Variants in RGS6 observed in about 807,000 individuals in gnomAD.
RGS6 encodes the protein regulator of G protein signaling 6.
Under a neutral mutation model 78.5 loss-of-function variants are expected in RGS6, and 30 were observed. That is an observed-to-expected ratio of 0.38 (90% CI 0.29 to 0.52). The LOEUF (loss-of-function observed/expected upper bound fraction) is 0.52. Among genes scored for constraint, RGS6 ranks in the 20% least tolerant of loss-of-function variants. The probability of loss-of-function intolerance (pLI) is 0.85; values close to 1 mark genes in which losing one functional copy is unlikely to be tolerated. For missense variants in RGS6, 495 were observed against 609.7 expected, an observed-to-expected ratio of 0.81 and a Z score of 1.98; for synonymous variants, 206 against 206.0, an observed-to-expected ratio of 1.00 and a Z score of 0.00.
chr14:72,379,627 A>G (rs191149426), intron 3 of RGS6, among the ~76,000 whole-genome samples: 4 of 152,254 alleles, frequency 2.6e-5, no homozygotes, highest in Non-Finnish European at 5.9e-5. Context: ...CACAGAAATG[A>G]AAGACCTTTG....
At chr14:72,256,592 T>C (rs2057131746) in intron 2 of RGS6, among the ~76,000 whole-genome samples, 1 of 152,156 alleles carries the variant, frequency 6.6e-6, no homozygotes, top group African/African-American at 2.4e-5. Context: ...TTTTCATTAG[T>C]TTTACAAGGG....
intron 3 of RGS6, among the ~76,000 whole-genome samples, chr14:72,381,828 TAAG>T (rs1390835840): frequency 1.3e-5 from 2 of 152,066 alleles, no homozygotes; most frequent in African/African-American, 4.8e-5. Flanking sequence ...GAGGAGTTAA[TAAG>T]AACCCAAGTG....
intron 3 of RGS6, among the ~76,000 whole-genome samples, chr14:72,401,357 A>G (rs1352101845): frequency 2.6e-5 from 4 of 152,056 alleles, no homozygotes; most frequent in African/African-American, 9.7e-5. Flanking sequence ...GCTTCAAAGC[A>G]GAGAGGAGAA....
the RGS6 span, among the ~76,000 whole-genome samples, chr14:72,603,116 T>C: frequency 1.3e-5 from 2 of 152,218 alleles, no homozygotes; most frequent in African/African-American, 4.8e-5. Context: ...CTTTATGAGC[T>C]CTTTAAGAAG....
intron 6 of RGS6, among the ~76,000 whole-genome samples, chr14:72,461,127 T>C (rs1055341801): frequency 6.6e-6 from 1 of 152,170 alleles, no homozygotes; most frequent in Admixed American, 6.5e-5. Flanking sequence ...TGACCGCTCA[T>C]AAAACTAGTG....
chr14:72,012,121 A>G (rs1038051525), intron 2 of RGS6, among the ~76,000 whole-genome samples: 1 of 152,190 alleles, frequency 6.6e-6, no homozygotes, highest in African/African-American at 2.4e-5. Flanking sequence ...ATAGTCTTTG[A>G]TATTATTTTG....
Position 72,236,800 on chromosome 14 carries a change from G to A in RGS6, c.85-115295G>A, listed in dbSNP as rs576882438. 3.1e-3 allele frequency among the ~76,000 whole-genome samples: 470 copies of A among 152,216 alleles called. 1 individual carries two copies. Among genetic ancestry groups the A allele is most frequent in the African/African-American group, 0.011 (453 of 41,534 alleles). On this transcript the variant is annotated intron_variant, in intron 2 of 17. Coordinates refer to ENST00000553525, the MANE Select transcript of RGS6 (RefSeq NM_001204424.2). Reference sequence around the variant, plus strand: ...CTCCTCACTTCCCAGATGGCAGGGGGCGCTGAGCAGAGGTGCTCCTAACTT... The same window carrying A: ...CTCCTCACTTCCCAGATGGCAGGGGACGCTGAGCAGAGGTGCTCCTAACTT...
At position 72,271,379 on chromosome 14, in the gene RGS6, C is replaced by T. The variant is rs550300463; in HGVS notation, c.85-80716C>T. Among the ~76,000 whole-genome samples the T allele has an allele frequency of 2.0e-5, 3 of 152,306 alleles. No homozygotes were observed. In the East Asian group the frequency reaches 5.8e-4, roughly 29 times the overall value. The stretch of plus-strand genomic sequence containing the variant: ...CAGCTCTCATGAGACTTATTCGCTA[C>T]CATGAGAACAGTATGGGGAAAACCA... On this transcript the variant is annotated intron_variant, in intron 2 of 17. Transcript: ENST00000553525.
intron 2 of RGS6, among the ~76,000 whole-genome samples, chr14:71,968,094 AATT>A (rs1198533373): frequency 2.0e-5 from 3 of 152,180 alleles, no homozygotes; most frequent in African/African-American, 7.2e-5. Flanking sequence ...AGAAAACCTT[AATT>A]ATTCATGAAG....
intron 3 of RGS6, among the ~76,000 whole-genome samples, chr14:72,443,212 A>T (rs1246623334): frequency 6.6e-6 from 1 of 152,198 alleles, no homozygotes; most frequent in East Asian, 1.9e-4. Flanking sequence ...ACATTTCCTC[A>T]TTTCAAACTC....
Position 72,389,434 on chromosome 14 carries a change from T to C in RGS6, c.184+37240T>C, listed in dbSNP as rs114532362. On this transcript the variant is annotated intron_variant, in intron 3 of 17. Coordinates refer to ENST00000553525, the MANE Select transcript of RGS6 (RefSeq NM_001204424.2). ...CCTCACCCGGCTGCTCCCTTGGGGG[T>C]AGGCCAGGACACACACTGGGTGAGA... 6.3e-3 allele frequency among the ~76,000 whole-genome samples: 962 copies of C among 152,150 alleles called. 12 individuals carry two copies. The highest frequency in any genetic ancestry group is 0.022 in the African/African-American group (932 of 41,498).
chr14:72,433,580 C>T (rs74500231), intron 3 of RGS6, among the ~76,000 whole-genome samples: 1,976 of 152,216 alleles, frequency 0.013, 44 homozygotes, highest in African/African-American at 0.046. Flanking sequence ...AAGAGAGCAT[C>T]GTAAGTAGGA....
the RGS6 span, among the ~76,000 whole-genome samples, chr14:72,624,384 AC>A: frequency 7.7e-6 from 1 of 130,596 alleles, no homozygotes; most frequent in Admixed American, 9.4e-5. Flanking sequence ...TGTTGCCCAA[AC>A]TGGAGTGCAG....
chr14:71,956,357 G>GTATATATA (rs10651401), intron 1 of RGS6, among the ~76,000 whole-genome samples: 3 of 150,592 alleles, frequency 2.0e-5, no homozygotes, highest in African/African-American at 7.3e-5. Flanking sequence ...GTGTGTGTGT[G>GTATATATA]TATATTCTAT....
chr14:72,060,263 T>A (rs2093825053), intron 2 of RGS6, among the ~76,000 whole-genome samples: 1 of 152,226 alleles, frequency 6.6e-6, no homozygotes, highest in Non-Finnish European at 1.5e-5. Flanking sequence ...TTATTTTGTA[T>A]GTTATATAAA....
intron 2 of RGS6, among the ~76,000 whole-genome samples, chr14:72,056,472 T>C (rs1276822784): frequency 6.6e-6 from 1 of 152,220 alleles, no homozygotes; most frequent in Non-Finnish European, 1.5e-5. Flanking sequence ...ACTCTGAACA[T>C]GGTCCCGTGA....
intron 2 of RGS6, among the ~76,000 whole-genome samples, chr14:72,186,091 G>A (rs985657606): frequency 1.3e-5 from 2 of 152,234 alleles, no homozygotes; most frequent in African/African-American, 4.8e-5. Context: ...AGCTGGCGTG[G>A]AGGGTGTTGA....
chr14:72,598,090 G>C, the RGS6 span, among the ~76,000 whole-genome samples: 1 of 152,232 alleles, frequency 6.6e-6, no homozygotes, highest in African/African-American at 2.4e-5. Flanking sequence ...GAGCTGGAAG[G>C]GACCGGCAAC....
chr14:72,132,279 C>CTTTTT (rs529374337), intron 2 of RGS6, among the ~76,000 whole-genome samples: 8 of 137,984 alleles, frequency 5.8e-5, no homozygotes, highest in Admixed American at 3.7e-4. Flanking sequence ...TCTTCTTCTT[C>CTTTTT]TTTTTTTTTT....
Sources: allele counts gnomAD v4.1 joint callset (sites outside exome capture counted in the v4.1 genomes callset), GRCh38; gene constraint gnomAD v4.1.1; transcripts MANE v1.5; gene names NCBI Gene and HGNC (gene_info 2026-07-23, HGNC 2026-07-21).